The following GYPB variants were observed in gnomAD, a reference collection of about 807,000 sequenced individuals.
GYPB encodes glycophorin B (MNS blood group), also known as glycophorin-B.
Under a neutral mutation model 15.3 loss-of-function variants are expected in GYPB, and 13 were observed. The ratio of observed to expected loss-of-function variants is 0.85; its 90% confidence interval spans 0.55 to 1.35. The LOEUF is 1.35. Among genes scored for constraint, GYPB ranks in the 40% most tolerant of loss-of-function variants. GYPB has a pLI of 0.00. For missense variants in GYPB, 131 were observed against 108.3 expected (o/e 1.21, Z -0.93); for synonymous variants, 38 against 36.9 (o/e 1.03, Z -0.11).
At chr4:144,018,039 C>G (rs995585919) in intron 1 of GYPB, among the ~76,000 whole-genome samples, 12 of 151,166 alleles carry the variant, frequency 7.9e-5, no homozygotes, top group Admixed American at 1.3e-4. Context: ...TTTAATATTA[C>G]TTATATTATT....
chr4:144,011,371 C>T (rs1223679841), intron 1 of GYPB, among the ~76,000 whole-genome samples: 1 of 151,286 alleles, frequency 6.6e-6, no homozygotes, highest in Admixed American at 6.6e-5. Flanking sequence ...CAGAACGAGA[C>T]TCCATCTTCA....
intron 1 of GYPB, among the ~76,000 whole-genome samples, chr4:144,011,595 A>G: frequency 6.6e-6 from 1 of 151,180 alleles, no homozygotes; most frequent in Non-Finnish European, 1.5e-5. Context: ...AATTGGCAAA[A>G]ATACAATACC....
At chr4:144,016,176 G>A (rs972867202) in intron 1 of GYPB, among the ~76,000 whole-genome samples, 1 of 125,552 alleles carries the variant, frequency 8.0e-6, no homozygotes, top group Admixed American at 8.8e-5. Flanking sequence ...AAAAAGAGAT[G>A]CCTTGTTTCT....
At chr4:144,006,981 A>G (rs1727952127) in intron 1 of GYPB, among the ~76,000 whole-genome samples, 2 of 150,730 alleles carry the variant, frequency 1.3e-5, no homozygotes, top group Admixed American at 6.6e-5. Context: ...GACTGTTCCC[A>G]TGAAGCAATA....
chr4:144,017,330 T>G (rs540680280), intron 1 of GYPB, among the ~76,000 whole-genome samples: 3 of 146,680 alleles, frequency 2.0e-5, no homozygotes, highest in Non-Finnish European at 4.4e-5. Flanking sequence ...TCGTCTTTTT[T>G]TCATAGCAAA....
At chr4:144,009,826 G>T (rs1219619545) in intron 1 of GYPB, among the ~76,000 whole-genome samples, 1 of 150,234 alleles carries the variant, frequency 6.7e-6, no homozygotes. Context: ...TGTTAGCCAG[G>T]ACGATCTCGA....
At chr4:144,008,720 A>T (rs1288853865) in intron 1 of GYPB, among the ~76,000 whole-genome samples, 1 of 151,466 alleles carries the variant, frequency 6.6e-6, no homozygotes, top group Non-Finnish European at 1.5e-5. Flanking sequence ...GAAAAGAAAA[A>T]CTTTATCCCA....
intron 1 of GYPB, 113 bp from the exon 2 acceptor site, chr4:144,001,396 G>A (rs6537239): frequency 0.31 from 476,753 of 1,553,000 alleles, 75,838 homozygotes; most frequent in East Asian, 0.55. Flanking sequence ...TGAGCTAAGC[G>A]CTTTAGTATA....
chr4:144,013,519 C>A lies in GYPB; in HGVS notation c.37+5732G>T, dbSNP rs565406792. On this transcript the variant is annotated intron_variant, in intron 1 of 4. Coordinates refer to ENST00000502664, the MANE Select transcript of GYPB (RefSeq NM_002100.6). ...CAATAGCAGAGACTTGGAACCAACCCAAATGTCCATCAATGATAGACTGGA... is the reference window on the plus strand; with the variant it reads ...CAATAGCAGAGACTTGGAACCAACCAAAATGTCCATCAATGATAGACTGGA... Among the ~76,000 whole-genome samples the A allele has an allele frequency of 2.6e-5, 4 of 151,282 alleles. No homozygotes were observed. The East Asian group carries it at 7.7e-4, about 29-fold the overall frequency.
At chr4:144,011,956 T>C (rs1728241265) in intron 1 of GYPB, among the ~76,000 whole-genome samples, 1 of 152,152 alleles carries the variant, frequency 6.6e-6, no homozygotes, top group Non-Finnish European at 1.5e-5. Flanking sequence ...CTATTCATGT[T>C]TTATGTTTTG....
chr4:143,995,541 C>A (rs914227306), downstream of GYPB, among the ~76,000 whole-genome samples: 2 of 151,216 alleles, frequency 1.3e-5, no homozygotes, highest in African/African-American at 4.9e-5. Flanking sequence ...CGTGGGCATC[C>A]TGGAGTCCCT....
At chr4:144,000,773 C>T (rs1413568797) in intron 2 of GYPB, among the ~76,000 whole-genome samples, 1 of 150,812 alleles carries the variant, frequency 6.6e-6, no homozygotes, top group Non-Finnish European at 1.5e-5. Context: ...TGTTATTGGC[C>T]CCATTTTAAA....
rs774819236 is a variant in GYPB at position 144,001,247 on chromosome 4, A to T, written c.74T>A (p.Val25Glu). 1 of 1,612,944 alleles carries T rather than the reference A, an allele frequency of 6.2e-7. No individual in the cohort carries two copies. The highest frequency in any genetic ancestry group is 2.2e-5 in the East Asian group (1 of 44,872). ...AGAAGAGGTTGAAGTGTGCATTGCC[A>T]CCTCAGTGGTACTTAATGCTGATAT... Reference protein sequence around the residue: ...VSISALSTTEVAMHTSTSSSV... With the variant: ...VSISALSTTEEAMHTSTSSSV... Residue 25 changes from valine to glutamate, a missense_variant, in exon 2 of 5, where the codon GTG becomes GAG. Val to Glu is a moderately radical substitution (Grantham distance 121). Coordinates refer to ENST00000502664, the MANE Select transcript of GYPB (RefSeq NM_002100.6).
At chr4:144,014,359 G>T (rs1201896787) in intron 1 of GYPB, among the ~76,000 whole-genome samples, 8 of 151,738 alleles carry the variant, frequency 5.3e-5, no homozygotes, top group Non-Finnish European at 7.3e-5. Context: ...TCAAATGATG[G>T]ATCGATAAGC....
At chr4:143,996,534 G>A (rs1349546882) in intron 4 of GYPB, among the ~76,000 whole-genome samples, 1 of 151,102 alleles carries the variant, frequency 6.6e-6, no homozygotes, top group Non-Finnish European at 1.5e-5. Context: ...GGAGGCCAAG[G>A]CAGGTGGATC....
intron 1 of GYPB, among the ~76,000 whole-genome samples, chr4:144,007,257 C>T (rs1319556630): frequency 6.6e-6 from 1 of 151,686 alleles, no homozygotes. Context: ...CAGCCAATGG[C>T]TCTGGAGAAA....
intron 1 of GYPB, among the ~76,000 whole-genome samples, chr4:144,011,389 G>T (rs549176887): frequency 0.011 from 1,653 of 150,952 alleles, 77 homozygotes; most frequent in African/African-American, 0.039. Flanking sequence ...TCAAAATAAA[G>T]CAATAAATAC....
chr4:144,016,475 C>T (rs1485227685), intron 1 of GYPB, among the ~76,000 whole-genome samples: 1 of 150,080 alleles, frequency 6.7e-6, no homozygotes, highest in Non-Finnish European at 1.5e-5. Flanking sequence ...CTCCCTTCAC[C>T]TCCTTCCTTG....
intron 3 of GYPB, 115 bp from the exon 4 acceptor site, chr4:143,997,749 T>A (rs1579045174): frequency 3.0e-6 from 2 of 669,436 alleles, no homozygotes; most frequent in Non-Finnish European, 5.6e-6. Flanking sequence ...AAAGTACAGT[T>A]AACATACTAT....
Sources: gnomAD v4.1 joint callset for allele counts (sites outside exome capture counted in the v4.1 genomes callset) on GRCh38, gnomAD v4.1.1 for gene constraint, MANE v1.5 for transcripts, NCBI Gene and HGNC (gene_info 2026-07-23, HGNC 2026-07-21) for gene names.